The following SLIT2 variants were observed in gnomAD, a reference collection of about 807,000 sequenced individuals.
SLIT2 encodes slit homolog 2 protein.
SLIT2 carries 41 observed loss-of-function variants against 185.7 expected under a neutral mutation model. That is an observed-to-expected ratio of 0.22 (90% CI 0.17 to 0.29). SLIT2 has a LOEUF of 0.29. SLIT2 is among the 10% of genes least tolerant of loss of function. The probability of loss-of-function intolerance (pLI) is 1.00; values close to 1 mark genes in which losing one functional copy is unlikely to be tolerated. For missense variants in SLIT2, 1,571 were observed against 1,909.0 expected (o/e 0.82, Z 3.30); for synonymous variants, 693 against 680.2 (o/e 1.02, Z -0.29).
chr4:20,574,106 C>T (rs1472253420), intron 29 of SLIT2, among the ~76,000 whole-genome samples: 1 of 151,824 alleles, frequency 6.6e-6, no homozygotes, highest in African/African-American at 2.4e-5. Context: ...AGGTGTCCGC[C>T]GCCATGCTTG....
chr4:20,552,631 T>C (rs1351607368), intron 25 of SLIT2: 3 of 152,126 alleles, frequency 2.0e-5, no homozygotes, highest in Non-Finnish European at 4.4e-5. Flanking sequence ...CTGACATACA[T>C]ATGCAGGTAA....
At chr4:20,533,053 A>G (rs908244377) in intron 17 of SLIT2, among the ~76,000 whole-genome samples, 1 of 152,226 alleles carries the variant, frequency 6.6e-6, no homozygotes, top group Non-Finnish European at 1.5e-5. Context: ...AGTAGTTGGT[A>G]TCATACGTAG....
At chr4:20,280,116 G>A (rs573775978) in intron 4 of SLIT2, among the ~76,000 whole-genome samples, 26 of 151,908 alleles carry the variant, frequency 1.7e-4, no homozygotes, top group Non-Finnish European at 2.5e-4. Context: ...GGCGGATCAC[G>A]AGGTCAGGAG....
At chr4:20,588,550 T>C (rs1727256527) in intron 29 of SLIT2, among the ~76,000 whole-genome samples, 1 of 152,158 alleles carries the variant, frequency 6.6e-6, no homozygotes, top group Non-Finnish European at 1.5e-5. Context: ...TTATTGCATA[T>C]AAAACAATTC....
intron 8 of SLIT2, chr4:20,490,781 C>A: frequency 6.7e-7 from 1 of 1,497,968 alleles, no homozygotes; most frequent in Non-Finnish European, 9.0e-7. Context: ...TCTCTCTTCA[C>A]TTTTTCCTTT....
chr4:20,467,720 A>G (rs376710086), intron 4 of SLIT2, 32 bp from the exon 5 acceptor site: 3 of 1,326,358 alleles, frequency 2.3e-6, no homozygotes, highest in Middle Eastern at 2.1e-4. Context: ...AATATTTTCT[A>G]ACGTGATCCT....
intron 4 of SLIT2, among the ~76,000 whole-genome samples, chr4:20,411,702 C>G (rs1279539030): frequency 6.6e-6 from 1 of 152,158 alleles, no homozygotes; most frequent in African/African-American, 2.4e-5. Flanking sequence ...GATCTTTACA[C>G]TACATTAGAA....
intron 29 of SLIT2, among the ~76,000 whole-genome samples, chr4:20,584,497 G>C (rs774715547): frequency 1.3e-5 from 2 of 152,146 alleles, no homozygotes; most frequent in Non-Finnish European, 2.9e-5. Context: ...TGGGACAACG[G>C]GTATAAACCA....
At chr4:20,539,741 T>A (rs1054497096) in intron 19 of SLIT2, among the ~76,000 whole-genome samples, 157 bp downstream of exon 19, 12 of 152,190 alleles carry the variant, frequency 7.9e-5, no homozygotes, top group African/African-American at 2.2e-4. Flanking sequence ...TTAAATTTTT[T>A]AAAAAATATT....
chr4:20,530,403 C>T, intron 16 of SLIT2, among the ~76,000 whole-genome samples: 1 of 152,008 alleles, frequency 6.6e-6, no homozygotes. Context: ...CCACCCCCAT[C>T]TCCCCAAGAA....
intron 4 of SLIT2, among the ~76,000 whole-genome samples, chr4:20,349,826 T>C (rs950618720): frequency 6.6e-6 from 1 of 152,216 alleles, no homozygotes; most frequent in Admixed American, 6.5e-5. Context: ...TTGGATTCCT[T>C]TGGTATCATG....
At chr4:20,383,467 C>T (rs901252844) in intron 4 of SLIT2, among the ~76,000 whole-genome samples, 4 of 152,074 alleles carry the variant, frequency 2.6e-5, no homozygotes, top group African/African-American at 7.2e-5. Flanking sequence ...TGAAAATATG[C>T]TTAACATATT....
At chr4:20,364,303 A>G (rs1178750225) in intron 4 of SLIT2, 2 of 983,320 alleles carry the variant, frequency 2.0e-6, no homozygotes, top group Non-Finnish European at 2.4e-6. Flanking sequence ...TAATTTCAAT[A>G]ATGGTTCAAG....
chr4:20,258,275 G>T (rs1712071214), intron 3 of SLIT2, among the ~76,000 whole-genome samples: 1 of 151,658 alleles, frequency 6.6e-6, no homozygotes, highest in Admixed American at 6.6e-5. Flanking sequence ...ACTTTTATTT[G>T]CGTTAATGGT....
chr4:20,526,986 C>T (rs1356221401), intron 15 of SLIT2, among the ~76,000 whole-genome samples: 1 of 152,170 alleles, frequency 6.6e-6, no homozygotes, highest in Admixed American at 6.5e-5. Flanking sequence ...TCATAAGACA[C>T]CAGATCCTCA....
intron 4 of SLIT2, among the ~76,000 whole-genome samples, chr4:20,407,169 G>T (rs1379868219): frequency 6.6e-6 from 1 of 152,100 alleles, no homozygotes; most frequent in African/African-American, 2.4e-5. Context: ...GAGTTATAGG[G>T]GAGGGAGTTG....
chr4:20,303,300 G>A (rs1717234007), intron 4 of SLIT2, among the ~76,000 whole-genome samples: 1 of 152,224 alleles, frequency 6.6e-6, no homozygotes, highest in South Asian at 2.1e-4. Context: ...TTGAAACAAA[G>A]ACTGAAACAA....
Position 20,253,863 on chromosome 4 carries a change from G to T in SLIT2, c.48G>T (p.Val16=). Residue 16 remains valine (V), a synonymous_variant, in exon 1 of 37, where the codon GTG becomes GTT. Coordinates refer to ENST00000504154, the MANE Select transcript of SLIT2 (RefSeq NM_004787.4). ...WQMLSLSLGL[V]LAILNKVAPQ... is the part of the protein sequence containing the mutation. ...TGCTGTCCCTGTCGCTGGGGTTAGT[G>T]CTGGCGATCCTGAACAAGGTGGCAC... The T allele has an allele frequency of 6.2e-7, 1 of 1,600,746 alleles. No homozygotes were observed. The highest frequency in any genetic ancestry group is 1.3e-5 in the African/African-American group (1 of 75,054).
At chr4:20,330,073 A>T (rs1719931820) in intron 4 of SLIT2, among the ~76,000 whole-genome samples, 1 of 151,888 alleles carries the variant, frequency 6.6e-6, no homozygotes, top group Non-Finnish European at 1.5e-5. Flanking sequence ...TAAACCTTAC[A>T]CCATAGCACT....
Sources: gnomAD v4.1 joint callset for allele counts (sites outside exome capture counted in the v4.1 genomes callset) on GRCh38, gnomAD v4.1.1 for gene constraint, MANE v1.5 for transcripts, NCBI Gene and HGNC (gene_info 2026-07-23, HGNC 2026-07-21) for gene names.